ACTR1A: variants seen among roughly 807,000 people sequenced by gnomAD.
The protein encoded by ACTR1A is alpha-centractin.
ACTR1A carries 10 observed loss-of-function variants against 50.7 expected under a neutral mutation model. The ratio of observed to expected loss-of-function variants is 0.20; its 90% CI spans 0.12 to 0.33. The LOEUF is 0.33. Among genes scored for constraint, ACTR1A ranks in the 10% least tolerant of loss-of-function variants. ACTR1A has a pLI of 1.00. For synonymous variants in ACTR1A, 177 were observed against 184.2 expected, an observed-to-expected ratio of 0.96 and a Z score of 0.32; for missense variants, 253 against 491.7, an observed-to-expected ratio of 0.51 and a Z score of 4.59.
At chr10:102,497,353 T>C (rs2062227368) in intron 1 of ACTR1A, among the ~76,000 whole-genome samples, 1 of 152,140 alleles carries the variant, frequency 6.6e-6, no homozygotes, top group African/African-American at 2.4e-5. Context: ...AGTAGGATGA[T>C]AGCACTTAAG....
Position 102,493,001 on chromosome 10 carries a change from C to CAAAAAAAAAAAAAAAAAAAAAAAAAAAA in ACTR1A, c.49-2389_49-2388insTTTTTTTTTTTTTTTTTTTTTTTTTTTT, listed in dbSNP as rs398014648. Among the ~76,000 whole-genome samples the CAAAAAAAAAAAAAAAAAAAAAAAAAAAA allele has an allele frequency of 2.0e-4, 10 of 48,936 alleles. 1 individual carries two copies. The highest frequency in any genetic ancestry group is 2.7e-4 in the Non-Finnish European group (8 of 29,676). The allele number at this position is 48,936 out of a possible 152,430, so 32.1% of individuals were successfully genotyped here. Reference sequence around the variant, plus strand: ...AGGGAGACAGAGTGAGACTCCACCTCAAAAAAAAAAAAAAAAAAAAAAAGA... The same window carrying CAAAAAAAAAAAAAAAAAAAAAAAAAAAA: ...AGGGAGACAGAGTGAGACTCCACCTCAAAAAAAAAAAAAAAAAAAAAAAAAAAAAAAAAAAAAAAAAAAAAAAAAAAGA... On this transcript the variant is annotated intron_variant, in intron 1 of 10. Transcript: ENST00000369905.
In ACTR1A at chr10:102,479,273, AC is replaced by A; in HGVS notation, c.*1589del. 1 of 520,430 alleles carries A rather than the reference AC, an allele frequency of 1.9e-6. No individual in the cohort carries two copies. The highest frequency in any genetic ancestry group is 3.2e-6 in the Non-Finnish European group (1 of 310,650). 32.2% of individuals were successfully genotyped at this position (520,430 alleles called of 1,614,324 possible). On this transcript the variant is annotated 3_prime_UTR_variant, in exon 11 of 11. Coordinates refer to ENST00000369905, the MANE Select transcript of ACTR1A (RefSeq NM_005736.4). The surrounding 1 kb of genome is among the most constrained non-coding windows in gnomAD (Gnocchi z 4.0). Reference sequence around the variant, plus strand: ...ACTTTATTTCAGTACACTGGGCCCCACCAGGCAATGTGGTTTGTGCGAGGCT... The same window carrying A: ...ACTTTATTTCAGTACACTGGGCCCCACAGGCAATGTGGTTTGTGCGAGGCT...
At chr10:102,502,022 G>T (rs1446380969) in intron 1 of ACTR1A, among the ~76,000 whole-genome samples, 1 of 152,124 alleles carries the variant, frequency 6.6e-6, no homozygotes, top group African/African-American at 2.4e-5. Context: ...CCAAGCCGCA[G>T]CGCCGGCTGA....
chr10:102,487,927 G>A (rs373710113), intron 4 of ACTR1A, among the ~76,000 whole-genome samples: 1 of 152,100 alleles, frequency 6.6e-6, no homozygotes, highest in Non-Finnish European at 1.5e-5. Flanking sequence ...CACCGCGCCC[G>A]GCCACGACTT....
Position 102,488,505 on chromosome 10 carries a change from G to C in ACTR1A, c.190-230C>G, listed in dbSNP as rs1002965893. ...AGGAGCCGGCAAAGCAGGGGCTTCT[G>C]CATTTCCATGGCCCCTCAGGTGCCT... On this transcript the variant is annotated intron_variant, in intron 3 of 10. Coordinates refer to ENST00000369905, the MANE Select transcript of ACTR1A (RefSeq NM_005736.4). This position sits in a 1 kb window ranked among gnomAD's most constrained non-coding sequence, Gnocchi z 4.4. 2.0e-5 allele frequency among the ~76,000 whole-genome samples: 3 copies of C among 152,234 alleles called. No homozygotes were observed. Among genetic ancestry groups the C allele is most frequent in the African/African-American group, 7.2e-5 (3 of 41,456 alleles).
chr10:102,491,722 G>A, intron 1 of ACTR1A, among the ~76,000 whole-genome samples: 1 of 152,132 alleles, frequency 6.6e-6, no homozygotes, highest in East Asian at 1.9e-4. Flanking sequence ...CCAACCCTGT[G>A]CAGGACAGAT....
chr10:102,484,019 G>C, intron 6 of ACTR1A, 141 bp downstream of exon 6: 1 of 701,790 alleles, frequency 1.4e-6, no homozygotes, highest in South Asian at 1.8e-5. Flanking sequence ...TGACGTAGGG[G>C]AGACCTGGCT....
At chr10:102,490,061 C>A (rs1283627285) in intron 2 of ACTR1A, among the ~76,000 whole-genome samples, 1 of 151,536 alleles carries the variant, frequency 6.6e-6, no homozygotes, top group Admixed American at 6.6e-5. Context: ...CGGTGAAATC[C>A]CATCTCTACT....
At chr10:102,485,834 G>T in intron 4 of ACTR1A, 101 bp from the exon 5 acceptor site, 2 of 1,523,010 alleles carry the variant, frequency 1.3e-6, no homozygotes, top group Middle Eastern at 2.3e-4. Flanking sequence ...AGAGCCCGGG[G>T]ACTTCAGTCA....
intron 5 of ACTR1A, among the ~76,000 whole-genome samples, chr10:102,485,313 G>C (rs1345689451): frequency 2.0e-5 from 3 of 152,226 alleles, no homozygotes; most frequent in Non-Finnish European, 2.9e-5. Flanking sequence ...TCCGGGAAGA[G>C]CTGCTGCAGC....
Position 102,480,792 on chromosome 10 carries a change from C to T in ACTR1A, c.*71G>A. 4 of 1,280,728 alleles carry T rather than the reference C, an allele frequency of 3.1e-6. No homozygotes were observed. The South Asian group carries it at 3.6e-5, about 11-fold the overall frequency. 79.3% of individuals were successfully genotyped at this position (1,280,728 alleles called of 1,614,324 possible). A position where few individuals can be genotyped will look rare whatever the true frequency, so the allele number is the denominator to read the frequency against. ...TCACACACAGGCAGTTCCTCGCAAA[C>T]ACTCCGACTCAAGAAAGCGAGTTTT... On this transcript the variant is annotated 3_prime_UTR_variant, in exon 11 of 11. Coordinates refer to ENST00000369905, the MANE Select transcript of ACTR1A (RefSeq NM_005736.4).
At chr10:102,495,312 G>A (rs1173531833) in intron 1 of ACTR1A, among the ~76,000 whole-genome samples, 1 of 152,044 alleles carries the variant, frequency 6.6e-6, no homozygotes, top group Non-Finnish European at 1.5e-5. Flanking sequence ...GCTCACACCT[G>A]TAATCCCAGC....
intron 1 of ACTR1A, among the ~76,000 whole-genome samples, chr10:102,496,414 A>G (rs1564651334): frequency 6.6e-6 from 1 of 152,258 alleles, no homozygotes; most frequent in East Asian, 1.9e-4. Context: ...TGAATTTGAA[A>G]TCCCTATTCT....
chr10:102,499,633 A>G (rs1308107098), intron 1 of ACTR1A, among the ~76,000 whole-genome samples: 1 of 152,272 alleles, frequency 6.6e-6, no homozygotes. Context: ...TAGCAATTCA[A>G]GAAGCAAAGG....
In ACTR1A at chr10:102,480,825, A is replaced by G; in HGVS notation, c.*38T>C. ...CTCAAGAAAGCGAGTTTTAAAGTGG[A>G]GTTAACTTCAGAGAGAGGTGAAGAT... On this transcript the variant is annotated 3_prime_UTR_variant, in exon 11 of 11. Transcript: ENST00000369905. The G allele has an allele frequency of 4.0e-6, 6 of 1,510,178 alleles. No individual in the cohort carries two copies. Among genetic ancestry groups the G allele is most frequent in the Non-Finnish European group, 5.5e-6 (6 of 1,086,300 alleles). 93.5% of individuals were successfully genotyped at this position (1,510,178 alleles called of 1,614,324 possible).
rs1376336256 is a variant in ACTR1A at position 102,482,642 on chromosome 10, T to C, written c.750+369A>G. ...CCTCTGCAGGAGACAGGGCCACTCA[T>C]GCTCAGGAGCTCTGCTGCTCCAGAG... On this transcript the variant is annotated intron_variant, in intron 7 of 10. Transcript: ENST00000369905. The surrounding 1 kb of genome is among the most constrained non-coding windows in gnomAD (Gnocchi z 5.6). 1 of 285,242 alleles carries C rather than the reference T, an allele frequency of 3.5e-6. No homozygotes were observed. The highest frequency in any genetic ancestry group is 6.7e-6 in the Non-Finnish European group (1 of 150,018). 17.7% of individuals were successfully genotyped at this position (285,242 alleles called of 1,614,324 possible).
Position 102,488,062 on chromosome 10 carries a change from G to T in ACTR1A, c.315+88C>A. 1 of 1,492,596 alleles carries T rather than the reference G, an allele frequency of 6.7e-7. No individual in the cohort carries two copies. The highest frequency in any genetic ancestry group is 9.2e-7 in the Non-Finnish European group (1 of 1,087,782). The allele number at this position is 1,492,596 out of a possible 1,614,324, so 92.5% of individuals were successfully genotyped here. A position where few individuals can be genotyped will look rare whatever the true frequency, so the allele number is the denominator to read the frequency against. On this transcript the variant is annotated intron_variant, in intron 4 of 10. Transcript: ENST00000369905. This position sits in a 1 kb window ranked among gnomAD's most constrained non-coding sequence, Gnocchi z 4.4. ...AAATGGCTCCAGCACTCTTGGCAGT[G>T]ATCATCGTCCTCCTCATCATCTCTA... is the stretch of plus-strand genomic sequence containing the variant.
chr10:102,490,492 T>G, intron 2 of ACTR1A, 57 bp downstream of exon 2: 1 of 1,434,944 alleles, frequency 7.0e-7, no homozygotes, highest in Admixed American at 1.7e-5. Context: ...CTTATAGGGC[T>G]GGGCCTGTAA....
intron 1 of ACTR1A, among the ~76,000 whole-genome samples, chr10:102,496,416 C>T (rs952425532): frequency 2.0e-5 from 3 of 152,206 alleles, no homozygotes; most frequent in African/African-American, 7.2e-5. Flanking sequence ...AATTTGAAAT[C>T]CCTATTCTAG....
Sources: allele counts gnomAD v4.1 joint callset (sites outside exome capture counted in the v4.1 genomes callset), GRCh38; gene constraint gnomAD v4.1.1; non-coding constraint Gnocchi (gnomAD v3.1); transcripts MANE v1.5; gene names NCBI Gene and HGNC (gene_info 2026-07-23, HGNC 2026-07-21).